Variants in CNTLN observed in about 807,000 individuals in gnomAD.
The protein encoded by CNTLN is centlein, centrosomal protein.
Under a neutral mutation model 180.0 loss-of-function variants are expected in CNTLN, and 212 were observed. The observed-to-expected ratio is 1.18, with a 90% CI of 1.05 to 1.32. CNTLN has a LOEUF of 1.32. Among genes scored for constraint, CNTLN ranks in the 40% most tolerant of loss-of-function variants. The probability of loss-of-function intolerance (pLI) is 0.00; values close to 1 mark genes in which losing one functional copy is unlikely to be tolerated. For synonymous variants in CNTLN, 722 were observed against 563.1 expected (o/e 1.28, Z -3.99); for missense variants, 2,095 against 1,610.9 (o/e 1.30, Z -5.14).
rs35350865 is a variant in CNTLN at position 17,440,588 on chromosome 9, C to CAAAAAAAAAAAAAAAAAAA, written c.3115-16922_3115-16921insAAAAAAAAAAAAAAAAAAA. On this transcript the variant is annotated intron_variant, in intron 18 of 25. Transcript: ENST00000380647. ...TGGGCGACGGAGCGAGACTCCGTCT[C>CAAAAAAAAAAAAAAAAAAA]AAAAAAAAAAAAAAGAACTGAAAAC... Among the ~76,000 whole-genome samples the CAAAAAAAAAAAAAAAAAAA allele has an allele frequency of 1.1e-3, 131 of 114,592 alleles. 3 individuals carry two copies. The highest frequency in any genetic ancestry group is 4.6e-3 in the African/African-American group (126 of 27,670). 75.2% of individuals were successfully genotyped at this position (114,592 alleles called of 152,430 possible). A position where few individuals can be genotyped will look rare whatever the true frequency, so the allele number is the denominator to read the frequency against.
intron 8 of CNTLN, among the ~76,000 whole-genome samples, chr9:17,313,743 C>T (rs886949907): frequency 6.6e-6 from 1 of 152,036 alleles, no homozygotes; most frequent in Non-Finnish European, 1.5e-5. Flanking sequence ...TTGAGATTAC[C>T]ATTTCCCTTA....
intron 11 of CNTLN, among the ~76,000 whole-genome samples, 179 bp downstream of exon 11, chr9:17,341,127 A>C (rs965238700): frequency 1.3e-5 from 2 of 152,340 alleles, no homozygotes; most frequent in Middle Eastern, 3.4e-3. Flanking sequence ...TGTTGGTAAT[A>C]ACTATAGATT....
chr9:17,230,516 C>G (rs188294035), intron 3 of CNTLN, among the ~76,000 whole-genome samples: 1 of 151,818 alleles, frequency 6.6e-6, no homozygotes, highest in East Asian at 1.9e-4. Context: ...TCCCCCCTCC[C>G]CTTACCCCCT....
At chr9:17,135,947 C>T (rs982298409) in intron 1 of CNTLN, among the ~76,000 whole-genome samples, 7 of 152,128 alleles carry the variant, frequency 4.6e-5, no homozygotes, top group Non-Finnish European at 1.0e-4. Context: ...GTCTCAGAGC[C>T]GGGAACTTAA....
At chr9:17,507,693 A>T (rs1031709236), downstream of CNTLN, among the ~76,000 whole-genome samples, 5 of 152,212 alleles carry the variant, frequency 3.3e-5, no homozygotes, top group African/African-American at 4.8e-5. Context: ...CATCAAAAAG[A>T]TGATTTTTTA....
At chr9:17,520,302 G>T in the CNTLN span, among the ~76,000 whole-genome samples, 1 of 152,210 alleles carries the variant, frequency 6.6e-6, no homozygotes, top group East Asian at 1.9e-4. Flanking sequence ...GGGGCCAAAG[G>T]ATTTAATAAA....
intron 21 of CNTLN, among the ~76,000 whole-genome samples, chr9:17,465,751 A>G (rs981384431): frequency 7.9e-5 from 12 of 151,226 alleles, no homozygotes; most frequent in African/African-American, 2.7e-4. Flanking sequence ...AAGAATAAAC[A>G]TACCAGTATT....
At chr9:17,409,777 C>G (rs952024047) in intron 16 of CNTLN, among the ~76,000 whole-genome samples, 2 of 151,988 alleles carry the variant, frequency 1.3e-5, no homozygotes, top group Non-Finnish European at 2.9e-5. Flanking sequence ...GATGAAACTT[C>G]TTTTTGTATA....
chr9:17,270,463 A>T (rs1414731005), intron 5 of CNTLN, among the ~76,000 whole-genome samples: 1 of 152,190 alleles, frequency 6.6e-6, no homozygotes, highest in Non-Finnish European at 1.5e-5. Flanking sequence ...GAACCAAATC[A>T]TCTCAATAAA....
chr9:17,458,119 T>C (rs957979985), intron 19 of CNTLN, among the ~76,000 whole-genome samples: 1 of 151,854 alleles, frequency 6.6e-6, no homozygotes, highest in African/African-American at 2.4e-5. Context: ...ACTTTTGCTC[T>C]CTGCTTCTTC....
chr9:17,399,198 C>T (rs1826772878), intron 15 of CNTLN, among the ~76,000 whole-genome samples: 1 of 152,162 alleles, frequency 6.6e-6, no homozygotes, highest in Admixed American at 6.5e-5. Context: ...TACTCACTTC[C>T]ACGTAGTCCC....
At chr9:17,318,280 C>T (rs753262973) in intron 8 of CNTLN, among the ~76,000 whole-genome samples, 125 of 152,182 alleles carry the variant, frequency 8.2e-4, no homozygotes, top group Middle Eastern at 3.4e-3. Context: ...CCGCCTGCCT[C>T]GGCCTCCCAA....
At chr9:17,358,196 G>A (rs946825091) in intron 12 of CNTLN, among the ~76,000 whole-genome samples, 1 of 152,016 alleles carries the variant, frequency 6.6e-6, no homozygotes, top group African/African-American at 2.4e-5. Context: ...TTTGGTAATA[G>A]TGAACAATTA....
At chr9:17,192,980 G>A (rs1821888313) in intron 2 of CNTLN, among the ~76,000 whole-genome samples, 1 of 152,058 alleles carries the variant, frequency 6.6e-6, no homozygotes, top group Non-Finnish European at 1.5e-5. Flanking sequence ...CTTCTTACTT[G>A]GTGGCAGCAA....
At chr9:17,196,284 A>G (rs887840770) in intron 2 of CNTLN, among the ~76,000 whole-genome samples, 2 of 152,174 alleles carry the variant, frequency 1.3e-5, no homozygotes, top group East Asian at 1.9e-4. Context: ...TCGGCCTCCC[A>G]AAATGCAGGG....
intron 15 of CNTLN, among the ~76,000 whole-genome samples, chr9:17,395,522 G>T (rs770187281): frequency 6.6e-6 from 1 of 152,138 alleles, no homozygotes; most frequent in African/African-American, 2.4e-5. Flanking sequence ...AATTTTGAAT[G>T]ACCCATTTCA....
intron 25 of CNTLN, among the ~76,000 whole-genome samples, chr9:17,495,551 G>A (rs766822069): frequency 6.6e-6 from 1 of 152,176 alleles, no homozygotes; most frequent in Non-Finnish European, 1.5e-5. Flanking sequence ...TATGTTTTAA[G>A]CTAAGTGTTC....
At chr9:17,412,562 G>A (rs10963088) in intron 16 of CNTLN, among the ~76,000 whole-genome samples, 5,599 of 152,068 alleles carry the variant, frequency 0.037, 243 homozygotes, top group East Asian at 0.18. Flanking sequence ...CACTTTCAGG[G>A]CAGTATTCAA....
intron 2 of CNTLN, among the ~76,000 whole-genome samples, chr9:17,172,432 A>G (rs1265061311): frequency 1.3e-5 from 2 of 152,030 alleles, no homozygotes; most frequent in African/African-American, 4.8e-5. Context: ...CTTTCTGTGC[A>G]GTTATTCACC....
Sources: allele counts gnomAD v4.1 joint callset (sites outside exome capture counted in the v4.1 genomes callset), GRCh38; gene constraint gnomAD v4.1.1; transcripts MANE v1.5; gene names NCBI Gene and HGNC (gene_info 2026-07-23, HGNC 2026-07-21).